Variants in IGF2BP3 observed in about 807,000 individuals in gnomAD.
IGF2BP3 encodes insulin like growth factor 2 mRNA binding protein 3, also known as insulin-like growth factor 2 mRNA-binding protein 3.
IGF2BP3 carries 9 observed loss-of-function variants against 73.8 expected under a neutral mutation model. The observed-to-expected ratio is 0.12, with a 90% CI of 0.07 to 0.21. IGF2BP3 has a LOEUF of 0.21. IGF2BP3 is among the 10% of genes least tolerant of loss of function. IGF2BP3 has a pLI of 1.00. For missense variants in IGF2BP3, 542 were observed against 714.0 expected (o/e 0.76, Z 2.75); for synonymous variants, 258 against 256.7 (o/e 1.01, Z -0.05).
intron 13 of IGF2BP3, 104 bp downstream of exon 13, chr7:23,313,418 C>A: frequency 1.5e-6 from 2 of 1,318,642 alleles, no homozygotes; most frequent in South Asian, 2.8e-5. Context: ...TCAAGATGGT[C>A]CTGCTTTTTA....
At chr7:23,406,229 G>A (rs973966609) in intron 3 of IGF2BP3, among the ~76,000 whole-genome samples, 2 of 152,230 alleles carry the variant, frequency 1.3e-5, no homozygotes, top group African/African-American at 2.4e-5. Context: ...TTTGCCTCTC[G>A]TTAGCCCTGG....
At chr7:23,338,028 T>G (rs760023652) in intron 10 of IGF2BP3, among the ~76,000 whole-genome samples, 8 of 152,172 alleles carry the variant, frequency 5.3e-5, no homozygotes, top group Non-Finnish European at 8.8e-5. Context: ...AGCCATTTTT[T>G]TTTCTAGTAA....
At chr7:23,425,531 C>T (rs1452576288) in intron 2 of IGF2BP3, among the ~76,000 whole-genome samples, 2 of 152,152 alleles carry the variant, frequency 1.3e-5, no homozygotes, top group African/African-American at 4.8e-5. Context: ...CAGGCATATG[C>T]TACCATGCCC....
chr7:23,356,039 A>T (rs1273567800), intron 5 of IGF2BP3, among the ~76,000 whole-genome samples: 3 of 152,116 alleles, frequency 2.0e-5, no homozygotes, highest in African/African-American at 7.2e-5. Context: ...GGGGAAAGAG[A>T]AAGAAAAAAG....
At chr7:23,327,758 G>A (rs971847801) in intron 10 of IGF2BP3, among the ~76,000 whole-genome samples, 5 of 152,074 alleles carry the variant, frequency 3.3e-5, no homozygotes, top group Admixed American at 1.3e-4. Context: ...GCCATTTAAT[G>A]TCGGACTACC....
chr7:23,327,207 C>T (rs1474015268), intron 10 of IGF2BP3, among the ~76,000 whole-genome samples: 1 of 151,996 alleles, frequency 6.6e-6, no homozygotes, highest in Non-Finnish European at 1.5e-5. Flanking sequence ...ATTCAGCTCC[C>T]AAGTACTCAA....
intron 1 of IGF2BP3, 65 bp from the exon 2 acceptor site, chr7:23,468,607 C>G: frequency 6.5e-7 from 1 of 1,537,956 alleles, no homozygotes; most frequent in South Asian, 1.1e-5. Flanking sequence ...CGAAGACCCG[C>G]ACAGCCCAAG....
chr7:23,432,876 C>G (rs746622580), intron 2 of IGF2BP3, among the ~76,000 whole-genome samples: 1 of 152,216 alleles, frequency 6.6e-6, no homozygotes. Flanking sequence ...AAGCAATCCA[C>G]TTGCCTCGGC....
In IGF2BP3 at chr7:23,329,191, C is replaced by T. The variant is rs149048408; in HGVS notation, c.1204-9937G>A. Among the ~76,000 whole-genome samples the T allele has an allele frequency of 2.6e-3, 398 of 150,258 alleles. 8 individuals are homozygous for T. In the East Asian group the frequency reaches 0.061, roughly 23 times the overall value. ...TCACGCCATTGCACTCCAGCCTGGG[C>T]GACAGAGCAAGACTCCGTCTCAAAA... On this transcript the variant is annotated intron_variant, in intron 10 of 14. Transcript: ENST00000258729.
At chr7:23,441,831 G>A (rs1210878871) in intron 2 of IGF2BP3, among the ~76,000 whole-genome samples, 2 of 152,026 alleles carry the variant, frequency 1.3e-5, no homozygotes, top group Admixed American at 1.3e-4. Flanking sequence ...ACTATAAAAT[G>A]TTAATTATTC....
chr7:23,379,884 G>T (rs375392), intron 3 of IGF2BP3, among the ~76,000 whole-genome samples: 7,306 of 152,050 alleles, frequency 0.048, 295 homozygotes, highest in African/African-American at 0.11. Context: ...GGCTATACAC[G>T]GGGCAATTCC....
intron 10 of IGF2BP3, among the ~76,000 whole-genome samples, chr7:23,323,716 C>G (rs1460763830): frequency 1.3e-5 from 2 of 152,156 alleles, no homozygotes; most frequent in African/African-American, 4.8e-5. Flanking sequence ...TTAAAACAAA[C>G]TATCTCTCTG....
At position 23,321,831 on chromosome 7, in the gene IGF2BP3, C is replaced by A. The variant is rs772734662; in HGVS notation, c.1204-2577G>T. On this transcript the variant is annotated intron_variant, in intron 10 of 14. Coordinates refer to ENST00000258729, the MANE Select transcript of IGF2BP3 (RefSeq NM_006547.3). Reference sequence around the variant, plus strand: ...GGGGCACACTGACACCTCACAGGGCCGGGTACTCCAACAGACCTGCAGCTG... The same window carrying A: ...GGGGCACACTGACACCTCACAGGGCAGGGTACTCCAACAGACCTGCAGCTG... Among the ~76,000 whole-genome samples, 117 of 152,192 alleles carry A rather than the reference C, an allele frequency of 7.7e-4. 1 individual carries two copies. Among genetic ancestry groups the A allele is most frequent in the Admixed American group, 1.7e-3 (26 of 15,278 alleles).
At chr7:23,357,834 T>C (rs914534492) in intron 5 of IGF2BP3, among the ~76,000 whole-genome samples, 13 of 152,254 alleles carry the variant, frequency 8.5e-5, no homozygotes, top group African/African-American at 3.1e-4. Context: ...TTAAGTTCTG[T>C]CTTAAAGATA....
At chr7:23,412,144 G>A (rs544506542) in intron 3 of IGF2BP3, among the ~76,000 whole-genome samples, 1 of 151,866 alleles carries the variant, frequency 6.6e-6, no homozygotes, top group East Asian at 1.9e-4. Context: ...TACCATGCCT[G>A]GCTAATTTTT....
At chr7:23,356,857 A>C (rs1374116994) in intron 5 of IGF2BP3, among the ~76,000 whole-genome samples, 1 of 152,186 alleles carries the variant, frequency 6.6e-6, no homozygotes, top group Non-Finnish European at 1.5e-5. Flanking sequence ...AAACAAAACA[A>C]AACGGTATGG....
intron 2 of IGF2BP3, among the ~76,000 whole-genome samples, chr7:23,462,583 C>T (rs951789855): frequency 2.6e-5 from 4 of 152,072 alleles, no homozygotes; most frequent in African/African-American, 7.2e-5. Flanking sequence ...AGGATGGTCT[C>T]GATCTCCTGA....
chr7:23,337,041 T>A (rs1784591883), intron 10 of IGF2BP3, among the ~76,000 whole-genome samples: 1 of 152,148 alleles, frequency 6.6e-6, no homozygotes, highest in Non-Finnish European at 1.5e-5. Flanking sequence ...TTATTTGTAT[T>A]TCAAAAAGTG....
chr7:23,369,545 C>T (rs1455926848), intron 3 of IGF2BP3, among the ~76,000 whole-genome samples: 2 of 152,122 alleles, frequency 1.3e-5, no homozygotes, highest in African/African-American at 4.8e-5. Context: ...CATGGACAAA[C>T]AGAACCAGTT....
Sources: gnomAD v4.1 joint callset for allele counts (sites outside exome capture counted in the v4.1 genomes callset) on GRCh38, gnomAD v4.1.1 for gene constraint, MANE v1.5 for transcripts, NCBI Gene and HGNC (gene_info 2026-07-23, HGNC 2026-07-21) for gene names.